RBFOX1: variants seen among roughly 807,000 people sequenced by gnomAD.
RBFOX1 encodes RNA binding fox-1 homolog 1.
Under a neutral mutation model 57.7 loss-of-function variants are expected in RBFOX1, and 8 were observed. The observed-to-expected ratio is 0.14, with a 90% CI of 0.08 to 0.25. The LOEUF (loss-of-function observed/expected upper bound fraction) is 0.25, where lower values mean the gene tolerates loss of function less well. RBFOX1 is among the 10% of genes least tolerant of loss of function. The pLI is 1.00. For missense variants in RBFOX1, 611 were observed against 548.5 expected, an observed-to-expected ratio of 1.11 and a Z score of -1.14; for synonymous variants, 326 against 222.4, an observed-to-expected ratio of 1.47 and a Z score of -4.15.
At chr16:5,618,987 C>A (rs984603185) in intron 3 of RBFOX1, among the ~76,000 whole-genome samples, 12 of 152,128 alleles carry the variant, frequency 7.9e-5, no homozygotes, top group African/African-American at 2.7e-4. Flanking sequence ...ATCCTTTGCT[C>A]CGGTGGTTCC....
intron 4 of RBFOX1, among the ~76,000 whole-genome samples, chr16:7,476,499 C>A (rs1599411957): frequency 6.6e-6 from 1 of 152,306 alleles, no homozygotes; most frequent in East Asian, 1.9e-4. Context: ...GATGGTATAA[C>A]TTGCCCAGGT....
In RBFOX1 at chr16:7,712,167, G is replaced by A. The variant is rs1208512699; in HGVS notation, c.*1422G>A. On this transcript the variant is annotated 3_prime_UTR_variant, in exon 16 of 16. Coordinates refer to ENST00000550418, the MANE Select transcript of RBFOX1 (RefSeq NM_018723.4). ...CTGTTTGAACTTTCCACGTTGTCCT[G>A]TTTACAAGTTAACTTAAGTTGGGGT... The A allele has an allele frequency of 1.3e-5, 2 of 152,580 alleles. No individual in the cohort carries two copies. Among genetic ancestry groups the A allele is most frequent in the African/African-American group, 4.8e-5 (2 of 41,444 alleles). 9.5% of individuals were successfully genotyped at this position (152,580 alleles called of 1,614,324 possible). A position where few individuals can be genotyped will look rare whatever the true frequency, so the allele number is the denominator to read the frequency against.
chr16:6,383,655 A>G (rs551161820), intron 2 of RBFOX1, among the ~76,000 whole-genome samples: 1 of 152,088 alleles, frequency 6.6e-6, no homozygotes, highest in African/African-American at 2.4e-5. Context: ...CTATAATCCT[A>G]CCTACTCGGG....
intron 1 of RBFOX1, among the ~76,000 whole-genome samples, chr16:5,417,144 C>G (rs886198724): frequency 2.0e-5 from 3 of 152,212 alleles, no homozygotes; most frequent in Admixed American, 6.5e-5. Flanking sequence ...CATATGCCAC[C>G]TGACATTAAG....
intron 1 of RBFOX1, among the ~76,000 whole-genome samples, chr16:6,021,779 C>G (rs1053989470): frequency 2.6e-5 from 4 of 152,194 alleles, no homozygotes; most frequent in African/African-American, 9.7e-5. Context: ...CTTTACCTCT[C>G]TGAGCTTCGG....
Position 6,759,473 on chromosome 16 carries a change from CTGTGTGTGTGTGTGTGTGTGTGTGTGTG to C in RBFOX1, c.-16+104845_-16+104872del, listed in dbSNP as rs71145287. 4.3e-3 allele frequency among the ~76,000 whole-genome samples: 609 copies of C among 143,190 alleles called. 6 individuals are homozygous for C. Among genetic ancestry groups the C allele is most frequent in the African/African-American group, 0.016 (590 of 37,306 alleles). 93.9% of individuals were successfully genotyped at this position (143,190 alleles called of 152,430 possible). A position where few individuals can be genotyped will look rare whatever the true frequency, so the allele number is the denominator to read the frequency against. On this transcript the variant is annotated intron_variant, in intron 3 of 15. Coordinates refer to ENST00000550418, the MANE Select transcript of RBFOX1 (RefSeq NM_018723.4). ...CTTCATTTCTTGATATGTCAGTTGT[CTGTGTGTGTGTGTGTGTGTGTGTGTGTG>C]TGTGTGTGTGTGTGTGTGTGTATTT...
chr16:7,532,640 A>G (rs2080408237), intron 5 of RBFOX1, among the ~76,000 whole-genome samples: 1 of 152,148 alleles, frequency 6.6e-6, no homozygotes. Context: ...GGCTTTTAAC[A>G]TCAGCAGAAG....
chr16:6,448,152 C>CTTTCTTTTTTT (rs2094523106), intron 2 of RBFOX1, among the ~76,000 whole-genome samples: 1 of 92,582 alleles, frequency 1.1e-5, no homozygotes, highest in Non-Finnish European at 2.2e-5. Flanking sequence ...CTTTTCTTTT[C>CTTTCTTTTTTT]TTTCTTTTTT....
chr16:7,655,504 G>C (rs2066086737), intron 12 of RBFOX1, among the ~76,000 whole-genome samples: 1 of 152,194 alleles, frequency 6.6e-6, no homozygotes, highest in South Asian at 2.1e-4. Context: ...TGCAATATAA[G>C]GAGTTGTCGA....
At chr16:7,160,540 ACTTGTT>A (rs1425202437) in intron 4 of RBFOX1, among the ~76,000 whole-genome samples, 2 of 152,088 alleles carry the variant, frequency 1.3e-5, no homozygotes, top group Admixed American at 6.6e-5. Flanking sequence ...TGTGTCATTA[ACTTGTT>A]CTTGTTGATT....
At chr16:7,382,927 A>C (rs934539293) in intron 4 of RBFOX1, among the ~76,000 whole-genome samples, 15 of 152,334 alleles carry the variant, frequency 9.8e-5, no homozygotes, top group African/African-American at 3.6e-4. Context: ...TTGCCTTTAG[A>C]CATCTCCCTG....
chr16:6,800,017 C>T (rs1007645356), intron 3 of RBFOX1, among the ~76,000 whole-genome samples: 7 of 152,144 alleles, frequency 4.6e-5, no homozygotes, highest in East Asian at 1.9e-4. Context: ...TTAGTTCTGT[C>T]CCTCTGGAGA....
At chr16:7,447,113 C>G (rs1462999275) in intron 4 of RBFOX1, among the ~76,000 whole-genome samples, 1 of 151,934 alleles carries the variant, frequency 6.6e-6, no homozygotes, top group African/African-American at 2.4e-5. Context: ...TCCTCGGCCT[C>G]AAGGTAGGTC....
intron 3 of RBFOX1, among the ~76,000 whole-genome samples, chr16:6,923,593 C>T (rs553846674): frequency 2.1e-4 from 32 of 152,114 alleles, no homozygotes; most frequent in African/African-American, 7.0e-4. Context: ...TTTTCCAGGG[C>T]AGAGAGCAGG....
chr16:5,639,427 C>T lies in RBFOX1; in HGVS notation c.318+40466C>T, dbSNP rs2048788146. Among the ~76,000 whole-genome samples, 4 of 152,118 alleles carry T rather than the reference C, an allele frequency of 2.6e-5. No individual in the cohort carries two copies. In the South Asian group the frequency reaches 8.3e-4, roughly 32 times the overall value. ...GTCAATGTTTCAAAGCTGGGAGGTT[C>T]AACAGAAGTCTTGATATGAATCAAG... On this transcript the variant is annotated intron_variant, in intron 3 of 19. Transcript: ENST00000641259.
intron 1 of RBFOX1, among the ~76,000 whole-genome samples, chr16:6,218,967 A>T (rs2097354204): frequency 6.6e-6 from 1 of 152,188 alleles, no homozygotes; most frequent in South Asian, 2.1e-4. Context: ...AAAGCATAAT[A>T]GTCAGTAGCA....
At chr16:7,042,188 C>G (rs2046389949) in intron 3 of RBFOX1, among the ~76,000 whole-genome samples, 1 of 152,206 alleles carries the variant, frequency 6.6e-6, no homozygotes, top group Admixed American at 6.5e-5. Context: ...CGGTGCATGT[C>G]TTGTTTTAGA....
intron 4 of RBFOX1, among the ~76,000 whole-genome samples, chr16:7,228,044 C>T (rs563779935): frequency 2.6e-4 from 39 of 152,038 alleles, no homozygotes; most frequent in Non-Finnish European, 4.9e-4. Context: ...TTGTGATGAC[C>T]CGACTTTCTC....
chr16:6,773,839 A>G, intron 3 of RBFOX1: 1 of 445,430 alleles, frequency 2.2e-6, no homozygotes, highest in East Asian at 1.6e-4. Flanking sequence ...CATGGGGTGC[A>G]TTTGTGTGTA....
Sources: allele counts gnomAD v4.1 joint callset (sites outside exome capture counted in the v4.1 genomes callset), GRCh38; gene constraint gnomAD v4.1.1; transcripts MANE v1.5; gene names NCBI Gene and HGNC (gene_info 2026-07-23, HGNC 2026-07-21).